The following SYNPO2 variants were observed in gnomAD, a reference collection of about 807,000 sequenced individuals.
SYNPO2 encodes synaptopodin-2.
Under a neutral mutation model 85.0 loss-of-function variants are expected in SYNPO2, and 56 were observed. The ratio of observed to expected loss-of-function variants is 0.66; its 90% CI spans 0.53 to 0.82. SYNPO2 has a LOEUF of 0.82. Among genes scored for constraint, SYNPO2 ranks in the 40% least tolerant of loss-of-function variants. The pLI is 0.00. For missense variants in SYNPO2, 1,575 were observed against 1,534.2 expected, an observed-to-expected ratio of 1.03 and a Z score of -0.44; for synonymous variants, 602 against 591.1, an observed-to-expected ratio of 1.02 and a Z score of -0.27.
At chr4:118,998,781 C>T (rs1736714060) in intron 1 of SYNPO2, among the ~76,000 whole-genome samples, 2 of 152,178 alleles carry the variant, frequency 1.3e-5, no homozygotes, top group South Asian at 4.1e-4. Flanking sequence ...CTTTGTGAGT[C>T]TGTGAAGTAT....
intron 1 of SYNPO2, among the ~76,000 whole-genome samples, chr4:118,975,099 T>G (rs1735673939): frequency 6.6e-6 from 1 of 152,154 alleles, no homozygotes; most frequent in Non-Finnish European, 1.5e-5. Flanking sequence ...CACACACACC[T>G]TGCACCCACG....
intron 1 of SYNPO2, among the ~76,000 whole-genome samples, chr4:118,937,294 A>G (rs1734142101): frequency 6.6e-6 from 1 of 152,092 alleles, no homozygotes; most frequent in Admixed American, 6.6e-5. Flanking sequence ...CATTACTAGA[A>G]CAAACTCTTT....
At chr4:118,893,490 A>C (rs1288460073) in intron 1 of SYNPO2, among the ~76,000 whole-genome samples, 1 of 152,238 alleles carries the variant, frequency 6.6e-6, no homozygotes, top group Non-Finnish European at 1.5e-5. Context: ...TGTGGCACAG[A>C]AAGGCTACAT....
Position 118,943,924 on chromosome 4 carries a change from G to A in SYNPO2, c.105+54783G>A, listed in dbSNP as rs143101871. 5.3e-4 allele frequency among the ~76,000 whole-genome samples: 80 copies of A among 152,272 alleles called. 2 individuals are homozygous for A. In the East Asian group the frequency reaches 0.014, roughly 26 times the overall value. ...TGTGTTAGCAAAACGTTACTTGACA[G>A]TTATGTTGCTTTCAGTGCTACATAC... is the stretch of plus-strand genomic sequence containing the variant. On this transcript the variant is annotated intron_variant, in intron 1 of 4. Coordinates refer to ENST00000307142, the MANE Select transcript of SYNPO2 (RefSeq NM_133477.3).
At position 119,053,058 on chromosome 4, in the gene SYNPO2, G is replaced by A. The variant is rs141547404; in HGVS notation, c.3253-4343G>A. On this transcript the variant is annotated intron_variant, in intron 4 of 4. Coordinates refer to ENST00000307142, the MANE Select transcript of SYNPO2 (RefSeq NM_133477.3). ...ATCCATGCTATGCTAGGATTCCAGC[G>A]TCAGACATTCAAACTCCAAAACAAA... Among the ~76,000 whole-genome samples, 486 of 152,246 alleles carry A rather than the reference G, an allele frequency of 3.2e-3. 2 individuals carry two copies. The highest frequency in any genetic ancestry group is 7.4e-3 in the African/African-American group (306 of 41,550).
intron 4 of SYNPO2, chr4:119,032,974 C>T (rs780720924): frequency 3.5e-5 from 32 of 903,020 alleles, no homozygotes; most frequent in Non-Finnish European, 4.0e-5. Flanking sequence ...GTGAGTACAT[C>T]TCCAGTTGCC....
intron 1 of SYNPO2, among the ~76,000 whole-genome samples, chr4:118,900,689 CTCTCTCTCTCTCTCTATATATATATATA>C (rs1241298994): frequency 4.8e-4 from 26 of 54,086 alleles, no homozygotes; most frequent in African/African-American, 9.1e-4. Flanking sequence ...CTCTCTCTCT[CTCTCTCTCTCTCTCTATATATATATATA>C]TATATATATA....
At chr4:119,026,290 A>G (rs1195698365) in intron 2 of SYNPO2, among the ~76,000 whole-genome samples, 2 of 152,230 alleles carry the variant, frequency 1.3e-5, no homozygotes, top group East Asian at 3.8e-4. Flanking sequence ...GTCACATTCT[A>G]GCAAACTCAT....
At chr4:118,885,458 G>A (rs1732181151), upstream of SYNPO2, among the ~76,000 whole-genome samples, 1 of 149,044 alleles carries the variant, frequency 6.7e-6, no homozygotes, top group South Asian at 2.2e-4. Context: ...TTAGAAGTTA[G>A]ATCCATAGGT....
At chr4:119,053,665 C>T (rs1739121202) in intron 4 of SYNPO2, among the ~76,000 whole-genome samples, 1 of 152,202 alleles carries the variant, frequency 6.6e-6, no homozygotes, top group African/African-American at 2.4e-5. Context: ...TAGGATATCA[C>T]TGAACAATAT....
chr4:118,851,743 C>T (rs1183259865), intron 1 of SYNPO2, among the ~76,000 whole-genome samples: 1 of 152,198 alleles, frequency 6.6e-6, no homozygotes, highest in East Asian at 1.9e-4. Flanking sequence ...TTTCAAATCT[C>T]TTTAATGTCT....
chr4:119,007,235 T>TATATATATGTATATAC (rs1737078881), intron 1 of SYNPO2, among the ~76,000 whole-genome samples: 1 of 48,818 alleles, frequency 2.0e-5, no homozygotes, highest in Admixed American at 2.5e-4. Context: ...TATATATATA[T>TATATATATGTATATAC]ATATATATAT....
chr4:118,968,146 CAA>C (rs1735385803), intron 1 of SYNPO2, among the ~76,000 whole-genome samples: 1 of 152,120 alleles, frequency 6.6e-6, no homozygotes, highest in African/African-American at 2.4e-5. Flanking sequence ...AGATGTAGAA[CAA>C]AGAGAGCAGG....
At chr4:118,886,366 C>T (rs370533768), upstream of SYNPO2, among the ~76,000 whole-genome samples, 150 of 152,212 alleles carry the variant, frequency 9.9e-4, 2 homozygotes, top group South Asian at 0.014. Flanking sequence ...TTTTAAGCCC[C>T]GCATGCGTTA....
chr4:118,928,670 C>A, intron 1 of SYNPO2, among the ~76,000 whole-genome samples: 1 of 152,134 alleles, frequency 6.6e-6, no homozygotes, highest in East Asian at 1.9e-4. Flanking sequence ...TTTATTTACT[C>A]CTTTATTTTA....
chr4:119,044,962 G>T (rs1738831855), intron 4 of SYNPO2, among the ~76,000 whole-genome samples: 1 of 152,164 alleles, frequency 6.6e-6, no homozygotes, highest in African/African-American at 2.4e-5. Context: ...AATGTAATTA[G>T]AAGTCGTGAC....
At chr4:118,975,131 CAGG>C (rs1183663597) in intron 1 of SYNPO2, among the ~76,000 whole-genome samples, 3 of 152,144 alleles carry the variant, frequency 2.0e-5, no homozygotes, top group African/African-American at 7.2e-5. Context: ...TCTGCACCTC[CAGG>C]AGTACACCAG....
rs1268077613 is a variant in SYNPO2, at chr4:119,007,224, A to ATATATGTATG, written c.106-16201_106-16200insGTATGTATAT. ...AACAAAAAAGAACAAAGGTATATAT[A>ATATATGTATG]TATATATATATATATATATATGTAT... is the stretch of plus-strand genomic sequence containing the variant. On this transcript the variant is annotated intron_variant, in intron 1 of 4. Coordinates refer to ENST00000307142, the MANE Select transcript of SYNPO2 (RefSeq NM_133477.3). 9.9e-5 allele frequency among the ~76,000 whole-genome samples: 5 copies of ATATATGTATG among 50,504 alleles called. 1 individual carries two copies. The highest frequency in any genetic ancestry group is 3.9e-4 in the African/African-American group (4 of 10,238). 33.1% of individuals were successfully genotyped at this position (50,504 alleles called of 152,430 possible).
At chr4:118,958,263 G>A (rs1453910626) in intron 1 of SYNPO2, among the ~76,000 whole-genome samples, 2 of 152,110 alleles carry the variant, frequency 1.3e-5, no homozygotes, top group Non-Finnish European at 2.9e-5. Context: ...GGATGCCTGC[G>A]GTGCGTGTAT....
Sources: allele counts gnomAD v4.1 joint callset (sites outside exome capture counted in the v4.1 genomes callset), GRCh38; gene constraint gnomAD v4.1.1; transcripts MANE v1.5; gene names NCBI Gene and HGNC (gene_info 2026-07-23, HGNC 2026-07-21).